Variants in ATRX observed in about 807,000 individuals in gnomAD.
The protein encoded by ATRX is ATRX chromatin remodeler.
ATRX carries 12 observed loss-of-function variants against 172.6 expected under a neutral mutation model. That is an observed-to-expected ratio of 0.07 (90% CI 0.04 to 0.11). ATRX has a LOEUF of 0.11. Among genes scored for constraint, ATRX ranks in the 10% least tolerant of loss-of-function variants. ATRX has a pLI of 1.00. For synonymous variants in ATRX, 674 were observed against 594.7 expected, an observed-to-expected ratio of 1.13 and a Z score of -1.94; for missense variants, 1,368 against 1,767.4, an observed-to-expected ratio of 0.77 and a Z score of 4.05.
intron 22 of ATRX, among the ~76,000 whole-genome samples, chrX:77,607,387 C>G (rs782636748): frequency 7.5e-4 from 84 of 111,830 alleles, no homozygotes; most frequent in African/African-American, 2.7e-3. Context: ...ATCTTATTTA[C>G]AATAGCTACA....
At chrX:77,614,555 C>T (rs2067278284) in intron 22 of ATRX, among the ~76,000 whole-genome samples, 1 of 111,816 alleles carries the variant, frequency 8.9e-6, no homozygotes, top group African/African-American at 3.2e-5. Context: ...AATTGCATTG[C>T]TCTCAAAAAG....
chrX:77,577,169 A>G, intron 27 of ATRX, among the ~76,000 whole-genome samples: 1 of 111,367 alleles, frequency 9.0e-6, no homozygotes, highest in South Asian at 3.8e-4. Context: ...TGGTAATACT[A>G]TTTTTAATTT....
At chrX:77,750,269 A>G (rs2148875798) in intron 1 of ATRX, among the ~76,000 whole-genome samples, 1 of 111,755 alleles carries the variant, frequency 8.9e-6, no homozygotes, top group East Asian at 2.8e-4. Context: ...TACTATCCAC[A>G]GTTTCAGGCA....
chrX:77,639,191 G>A (rs782054897), intron 15 of ATRX, among the ~76,000 whole-genome samples: 3 of 111,579 alleles, frequency 2.7e-5, no homozygotes, highest in Admixed American at 9.6e-5. Context: ...GCTATCATTC[G>A]CATAATTGGC....
Position 77,696,617 on chromosome X carries a change from T to G in ATRX, c.330A>C (p.Glu110Asp), listed in dbSNP as rs1557149904. The part of the protein sequence containing the change: ...DETVNEDASN[E>D]NSENDITMQS... ...GCATAGTAATATCATTTTCTGAATT[T>G]TCATTAGACGCATCTTCATTTACAG... The change falls in exon 5 of 35, where the codon GAA (glutamate) becomes GAC (aspartate). Residue 110 changes from glutamate (E) to aspartate (D), a missense_variant. By Grantham distance (45) the Glu-to-Asp change is conservative. Coordinates refer to ENST00000373344, the MANE Select transcript of ATRX (RefSeq NM_000489.6). 8.3e-7 allele frequency: 1 copy of G among 1,204,669 alleles called. No homozygotes were observed. The highest frequency in any genetic ancestry group is 2.2e-5 in the Admixed American group (1 of 45,990).
At chrX:77,550,448 T>C in intron 30 of ATRX, among the ~76,000 whole-genome samples, 1 of 111,509 alleles carries the variant, frequency 9.0e-6, no homozygotes, top group East Asian at 2.8e-4. Flanking sequence ...ATAAATTAGG[T>C]ATTGATGGGA....
chrX:77,677,742 T>C (rs940685430), intron 9 of ATRX, among the ~76,000 whole-genome samples: 1 of 109,807 alleles, frequency 9.1e-6, no homozygotes, highest in South Asian at 3.9e-4. Flanking sequence ...AAAAAAGATA[T>C]ACTGATGGAT....
At chrX:77,741,186 C>A (rs946390401) in intron 1 of ATRX, among the ~76,000 whole-genome samples, 5 of 110,296 alleles carry the variant, frequency 4.5e-5, no homozygotes, top group Non-Finnish European at 9.5e-5. Flanking sequence ...GCACTCCAGC[C>A]CAAGCAAGAG....
At chrX:77,550,963 A>G (rs1274590992) in intron 30 of ATRX, among the ~76,000 whole-genome samples, 1 of 111,738 alleles carries the variant, frequency 8.9e-6, no homozygotes, top group Non-Finnish European at 1.9e-5. Flanking sequence ...ATGAAATAAA[A>G]GAGGACACAA....
intron 12 of ATRX, among the ~76,000 whole-genome samples, chrX:77,659,478 TCTCTAC>T (rs1176479604): frequency 1.4e-5 from 1 of 73,617 alleles, no homozygotes; most frequent in African/African-American, 4.7e-5. Context: ...TTTCTTTCTC[TCTCTAC>T]ACACACACAC....
At chrX:77,716,316 A>AT (rs2148747423) in intron 2 of ATRX, among the ~76,000 whole-genome samples, 15 of 60,614 alleles carry the variant, frequency 2.5e-4, no homozygotes, top group African/African-American at 7.3e-4. Context: ...AAAAAAAAAA[A>AT]AAAAAAAATA....
intron 1 of ATRX, among the ~76,000 whole-genome samples, chrX:77,744,030 C>G (rs1207945857): frequency 8.9e-6 from 1 of 112,702 alleles, no homozygotes; most frequent in Non-Finnish European, 1.9e-5. Flanking sequence ...AGAAATCATA[C>G]AGAGGCTGGG....
At chrX:77,733,577 A>G (rs782725657) in intron 1 of ATRX, among the ~76,000 whole-genome samples, 1 of 109,794 alleles carries the variant, frequency 9.1e-6, no homozygotes, top group South Asian at 4.0e-4. Flanking sequence ...GGCTCAATAC[A>G]TGATGCTGGG....
chrX:77,619,536 A>G (rs1199093257), intron 20 of ATRX, among the ~76,000 whole-genome samples: 1 of 111,476 alleles, frequency 9.0e-6, no homozygotes, highest in East Asian at 2.8e-4. Flanking sequence ...ATTTTGTAAG[A>G]CTAACCCATT....
At chrX:77,563,269 G>C (rs781889983) in intron 28 of ATRX, among the ~76,000 whole-genome samples, 1 of 112,155 alleles carries the variant, frequency 8.9e-6, no homozygotes, top group Non-Finnish European at 1.9e-5. Context: ...TAAAATATGG[G>C]TAAGGCTTAA....
chrX:77,690,206 G>A (rs1009480067), intron 6 of ATRX, among the ~76,000 whole-genome samples: 9 of 111,184 alleles, frequency 8.1e-5, no homozygotes, highest in African/African-American at 2.9e-4. Flanking sequence ...CTCCTGAGTA[G>A]CTGGGACTAT....
At chrX:77,754,832 G>A (rs2075429860) in intron 1 of ATRX, among the ~76,000 whole-genome samples, 1 of 111,370 alleles carries the variant, frequency 9.0e-6, no homozygotes, top group Admixed American at 9.6e-5. Flanking sequence ...TCTTCTCAAG[G>A]AGTATCTTTG....
rs1293595366 is a variant in ATRX, at chrX:77,556,208, G to A, written c.6699+1243C>T. ...TAGAAGGAGAGGGAGAGGGAGAGGG[G>A]GAAAGGGAGAGAGGGAGAGAGGGAG... On this transcript the variant is annotated intron_variant, in intron 30 of 34. Transcript: ENST00000373344. Among the ~76,000 whole-genome samples the A allele has an allele frequency of 6.5e-5, 4 of 61,809 alleles. No individual in the cohort carries two copies. In the South Asian group the frequency reaches 5.4e-3, roughly 83 times the overall value. 53.7% of individuals were successfully genotyped at this position (61,809 alleles called of 115,157 possible).
At chrX:77,659,631 C>T (rs1286709720) in intron 12 of ATRX, among the ~76,000 whole-genome samples, 9 of 109,645 alleles carry the variant, frequency 8.2e-5, no homozygotes, top group African/African-American at 3.0e-4. Flanking sequence ...ACCATTATCA[C>T]ATCTGAAAAA....
Sources: allele counts gnomAD v4.1 joint callset (sites outside exome capture counted in the v4.1 genomes callset), GRCh38; gene constraint gnomAD v4.1.1; transcripts MANE v1.5; gene names NCBI Gene and HGNC (gene_info 2026-07-23, HGNC 2026-07-21).